POLR3A: variants seen among roughly 807,000 people sequenced by gnomAD.
POLR3A encodes the protein RNA polymerase III subunit A, also known as DNA-directed RNA polymerase III subunit RPC1.
In POLR3A, 112 loss-of-function variants were observed where a neutral mutation model predicts 152.8. The observed-to-expected ratio is 0.73, with a 90% CI of 0.63 to 0.86. The LOEUF (loss-of-function observed/expected upper bound fraction) is 0.86. POLR3A is among the 40% of genes least tolerant of loss of function. POLR3A has a pLI of 0.00. For synonymous variants in POLR3A, 615 were observed against 652.1 expected (o/e 0.94, Z 0.87); for missense variants, 1,385 against 1,743.1 (o/e 0.79, Z 3.66).
chr10:78,021,365 C>T (rs182135635), intron 8 of POLR3A, among the ~76,000 whole-genome samples, 181 bp downstream of exon 8: 64 of 152,268 alleles, frequency 4.2e-4, no homozygotes, highest in Admixed American at 3.3e-3. Context: ...AAATGGTTTA[C>T]AGAATATATA....
At position 77,981,334 on chromosome 10, in the gene POLR3A, C is replaced by T. The variant is rs1412189451; in HGVS notation, c.3891+94G>A. On this transcript the variant is annotated intron_variant, in intron 29 of 30. Transcript: ENST00000372371. ...CTCTCTATGATGGTCCTCACAGCAG[C>T]GTATTCTACATGTCTTAGAAACTCC... The T allele has an allele frequency of 1.4e-5, 16 of 1,179,192 alleles. No individual in the cohort carries two copies. In the East Asian group the frequency reaches 1.9e-4, roughly 14 times the overall value. The allele number at this position is 1,179,192 out of a possible 1,614,324, so 73.0% of individuals were successfully genotyped here.
At chr10:77,985,146 C>G (rs756273779) in intron 24 of POLR3A, 24 bp downstream of exon 24, 2 of 1,599,260 alleles carry the variant, frequency 1.3e-6, no homozygotes, top group Non-Finnish European at 8.6e-7. Flanking sequence ...ATGTGTGGAA[C>G]AAGAAGGAAA....
chr10:77,981,577 T>C lies in POLR3A; in HGVS notation c.3760-18A>G. 2 of 1,613,960 alleles carry C rather than the reference T, an allele frequency of 1.2e-6. No homozygotes were observed. Among genetic ancestry groups the C allele is most frequent in the Non-Finnish European group, 1.7e-6 (2 of 1,179,906 alleles). On this transcript the variant is annotated intron_variant, in intron 28 of 30. Coordinates refer to ENST00000372371, the MANE Select transcript of POLR3A (RefSeq NM_007055.4). Reference sequence around the variant, plus strand: ...TTCTCCACCTACAGAGAGCCAGTAATGAGCAGAAGCAGCCCCTTCCGGGAG... The same window carrying C: ...TTCTCCACCTACAGAGAGCCAGTAACGAGCAGAAGCAGCCCCTTCCGGGAG...
Position 78,004,805 on chromosome 10 carries a change from C to T in POLR3A, c.2158G>A (p.Gly720Ser), listed in dbSNP as rs373106090. The T allele has an allele frequency of 5.0e-6, 8 of 1,613,894 alleles. No homozygotes were observed. Among genetic ancestry groups the T allele is most frequent in the African/African-American group, 4.0e-5 (3 of 74,904 alleles). Residue 720 changes from glycine to serine, a missense_variant, in exon 16 of 31, where the codon GGC (glycine) becomes AGC (serine). Physicochemically the swap from Gly to Ser is moderately conservative, Grantham distance 56. Coordinates refer to ENST00000372371, the MANE Select transcript of POLR3A (RefSeq NM_007055.4). Reference protein sequence around the residue: ...LKAKYELLNAGYKKCDEYIEA... With the variant: ...LKAKYELLNASYKKCDEYIEA... The stretch of plus-strand genomic sequence containing the variant: ...ATGTACTCATCACATTTCTTGTAGC[C>T]GGCATTCAGCAACTCATACTTGGCC...
chr10:77,999,250 T>A (rs1275467700), intron 19 of POLR3A, among the ~76,000 whole-genome samples: 2 of 152,156 alleles, frequency 1.3e-5, no homozygotes, highest in Non-Finnish European at 2.9e-5. Flanking sequence ...TATACATATG[T>A]AACAAACCTG....
chr10:78,027,312 A>C (rs1847646483), intron 1 of POLR3A, among the ~76,000 whole-genome samples: 1 of 152,244 alleles, frequency 6.6e-6, no homozygotes, highest in Non-Finnish European at 1.5e-5. Flanking sequence ...TCAGTGAAGC[A>C]TGCAGGAGCT....
At chr10:77,987,365 A>C (rs1424501446) in intron 21 of POLR3A, among the ~76,000 whole-genome samples, 1 of 151,926 alleles carries the variant, frequency 6.6e-6, no homozygotes, top group South Asian at 2.1e-4. Flanking sequence ...CTTGAATGGC[A>C]CTCTGGCCAA....
chr10:78,024,055 C>T (rs535798363), intron 5 of POLR3A, among the ~76,000 whole-genome samples: 26 of 152,048 alleles, frequency 1.7e-4, no homozygotes, highest in Non-Finnish European at 2.2e-4. Context: ...AACACTGTTA[C>T]GGTCAAATAA....
At chr10:77,994,391 T>C (rs1440292618) in intron 19 of POLR3A, among the ~76,000 whole-genome samples, 1 of 151,986 alleles carries the variant, frequency 6.6e-6, no homozygotes, top group Non-Finnish European at 1.5e-5. Flanking sequence ...CAAAGGGCCA[T>C]GCTTCCATAG....
At position 77,980,402 on chromosome 10, in the gene POLR3A, T is replaced by C. The variant is rs989893449; in HGVS notation, c.3892-129A>G. 2.6e-5 allele frequency: 21 copies of C among 820,732 alleles called. No individual in the cohort carries two copies. In the African/African-American group the frequency reaches 3.0e-4, roughly 12 times the overall value. The allele number at this position is 820,732 out of a possible 1,614,324, so 50.8% of individuals were successfully genotyped here. ...ACCCAACGTCAGGTGTGAAAGGCCCTGAGGAGCTATGGGTCCGCCCTCTGT... is the reference window on the plus strand; with the variant it reads ...ACCCAACGTCAGGTGTGAAAGGCCCCGAGGAGCTATGGGTCCGCCCTCTGT... On this transcript the variant is annotated intron_variant, in intron 29 of 30. Coordinates refer to ENST00000372371, the MANE Select transcript of POLR3A (RefSeq NM_007055.4).
At chr10:78,028,228 C>T (rs2131963422) in intron 1 of POLR3A, among the ~76,000 whole-genome samples, 2 of 152,326 alleles carry the variant, frequency 1.3e-5, no homozygotes, top group East Asian at 3.9e-4. Context: ...GACTTCTTAA[C>T]ACAGCTTCAA....
chr10:78,014,248 T>C (rs1847496456), intron 10 of POLR3A, among the ~76,000 whole-genome samples: 1 of 151,890 alleles, frequency 6.6e-6, no homozygotes, highest in Non-Finnish European at 1.5e-5. Context: ...GTGTGAAGGC[T>C]CCCACTGGCC....
intron 15 of POLR3A, 114 bp downstream of exon 15, chr10:78,007,588 C>T: frequency 1.2e-6 from 1 of 838,588 alleles, no homozygotes; most frequent in Admixed American, 1.9e-5. Flanking sequence ...GTATCTTTTT[C>T]TGTATGTATA....
chr10:78,012,570 G>A (rs866469485), intron 11 of POLR3A, among the ~76,000 whole-genome samples: 7 of 151,958 alleles, frequency 4.6e-5, no homozygotes, highest in African/African-American at 1.7e-4. Flanking sequence ...ATAGGAAGCT[G>A]GAATACTGAA....
intron 9 of POLR3A, 42 bp downstream of exon 9, chr10:78,019,120 A>G (rs767574156): frequency 7.5e-6 from 10 of 1,341,260 alleles, no homozygotes; most frequent in East Asian, 2.3e-5. Flanking sequence ...GAGCTTTGCC[A>G]TGAGAAAGTA....
intron 12 of POLR3A, among the ~76,000 whole-genome samples, 167 bp downstream of exon 12, chr10:78,010,304 G>GA (rs3832673): frequency 0.026 from 3,412 of 133,570 alleles, 113 homozygotes; most frequent in African/African-American, 0.079. Context: ...AAAAAAAAAA[G>GA]AAAAAAAAAA....
chr10:78,006,832 T>G (rs1246257866), intron 15 of POLR3A, among the ~76,000 whole-genome samples: 1 of 152,020 alleles, frequency 6.6e-6, no homozygotes, highest in Non-Finnish European at 1.5e-5. Context: ...AAAAAACAAT[T>G]CAAGGGCCAG....
rs1847088389 is a variant in POLR3A at position 77,976,284 on chromosome 10, C to T, written c.*1194G>A. On this transcript the variant is annotated 3_prime_UTR_variant, in exon 31 of 31. Coordinates refer to ENST00000372371, the MANE Select transcript of POLR3A (RefSeq NM_007055.4). Reference sequence around the variant, plus strand: ...AGCAGGTACTACAGGCATGGGCCACCATGCCTGGCTAATTTTTGTATTCTC... The same window carrying T: ...AGCAGGTACTACAGGCATGGGCCACTATGCCTGGCTAATTTTTGTATTCTC... 1 of 151,930 alleles carries T rather than the reference C, an allele frequency of 6.6e-6. No homozygotes were observed. The allele number at this position is 151,930 out of a possible 1,614,324, so 9.4% of individuals were successfully genotyped here.
In POLR3A at chr10:77,982,093, C is replaced by T. The variant is rs879182563; in HGVS notation, c.3759+61G>A. The T allele has an allele frequency of 2.3e-5, 26 of 1,124,408 alleles. No homozygotes were observed. The South Asian group carries it at 2.9e-4, about 13-fold the overall frequency. 69.7% of individuals were successfully genotyped at this position (1,124,408 alleles called of 1,614,324 possible). ...AAGTATACTGGGAATCAGTGGAAGG[C>T]CTGCAGATGGCACAAGGAAGACAGC... is the stretch of plus-strand genomic sequence containing the variant. On this transcript the variant is annotated intron_variant, in intron 28 of 30. Coordinates refer to ENST00000372371, the MANE Select transcript of POLR3A (RefSeq NM_007055.4).
Sources: allele counts gnomAD v4.1 joint callset (sites outside exome capture counted in the v4.1 genomes callset), GRCh38; gene constraint gnomAD v4.1.1; transcripts MANE v1.5; gene names NCBI Gene and HGNC (gene_info 2026-07-23, HGNC 2026-07-21).